IQSEC1: variants seen among roughly 807,000 people sequenced by gnomAD.
IQSEC1 encodes IQ motif and Sec7 domain ArfGEF 1.
A neutral mutation model predicts 91.0 loss-of-function variants in IQSEC1; 31 were observed. The ratio of observed to expected loss-of-function variants is 0.34; its 90% CI spans 0.26 to 0.46. The LOEUF is 0.46. Among genes scored for constraint, IQSEC1 ranks in the 20% least tolerant of loss-of-function variants. The pLI is 1.00. For synonymous variants in IQSEC1, 699 were observed against 662.6 expected, an observed-to-expected ratio of 1.05 and a Z score of -0.84; for missense variants, 1,388 against 1,575.6, an observed-to-expected ratio of 0.88 and a Z score of 2.02.
chr3:12,969,122 C>A (rs986121753), intron 1 of IQSEC1, among the ~76,000 whole-genome samples: 8 of 152,260 alleles, frequency 5.3e-5, no homozygotes, highest in South Asian at 2.1e-4. Context: ...GTTTTCTTTG[C>A]TCTGTTAAAA....
intron 1 of IQSEC1, among the ~76,000 whole-genome samples, chr3:13,059,912 G>C (rs1407720115): frequency 1.3e-5 from 2 of 152,252 alleles, no homozygotes; most frequent in African/African-American, 4.8e-5. Flanking sequence ...GCCACAGTCT[G>C]ATGAGAGGAT....
chr3:13,224,388 C>T (rs1331166129), intron 1 of IQSEC1, among the ~76,000 whole-genome samples: 2 of 152,062 alleles, frequency 1.3e-5, no homozygotes, highest in Admixed American at 6.5e-5. Flanking sequence ...ATGTGGGCAT[C>T]ACTGGTCTCC....
At chr3:13,087,193 T>C (rs1384142695) in intron 2 of IQSEC1, among the ~76,000 whole-genome samples, 1 of 152,252 alleles carries the variant, frequency 6.6e-6, no homozygotes, top group East Asian at 1.9e-4. Context: ...TCCACACTAA[T>C]AATAGGTCTT....
intron 2 of IQSEC1, among the ~76,000 whole-genome samples, chr3:13,088,061 CCTGT>C (rs1324577655): frequency 6.6e-6 from 1 of 152,200 alleles, no homozygotes; most frequent in African/African-American, 2.4e-5. Context: ...GTCCCCCCAC[CCTGT>C]CTAACACAGC....
chr3:13,082,352 G>T (rs1705659061), intron 2 of IQSEC1, among the ~76,000 whole-genome samples: 1 of 152,232 alleles, frequency 6.6e-6, no homozygotes, highest in African/African-American at 2.4e-5. Flanking sequence ...CCGACAAAGG[G>T]CAGTTAAGCT....
At chr3:13,224,588 C>T (rs1189451347) in intron 1 of IQSEC1, among the ~76,000 whole-genome samples, 1 of 152,132 alleles carries the variant, frequency 6.6e-6, no homozygotes, top group Non-Finnish European at 1.5e-5. Flanking sequence ...CAGTGCTCAC[C>T]AGGGCATGTC....
intron 1 of IQSEC1, among the ~76,000 whole-genome samples, chr3:12,951,830 GGTGGAC>G (rs563109611): frequency 1.5e-4 from 23 of 152,306 alleles, no homozygotes; most frequent in Non-Finnish European, 2.9e-4. Flanking sequence ...ACCTAGGGAG[GGTGGAC>G]AGAAAGGGAA....
At chr3:13,246,097 A>ATAG (rs990247596) in intron 1 of IQSEC1, among the ~76,000 whole-genome samples, 1 of 152,240 alleles carries the variant, frequency 6.6e-6, no homozygotes, top group African/African-American at 2.4e-5. Flanking sequence ...TATTAACTAA[A>ATAG]TAGTAGTGCA....
chr3:12,957,703 G>A lies in IQSEC1; in HGVS notation c.24-15838C>T, dbSNP rs1576041131. On this transcript the variant is annotated intron_variant, in intron 1 of 13. Coordinates refer to ENST00000613206, the MANE Select transcript of IQSEC1 (RefSeq NM_001134382.3). The stretch of plus-strand genomic sequence containing the variant: ...TGGCCCGCCCTGCCAGCCAGGGCCT[G>A]TGGTGGGGCCATCTTGGCCCAGACA... Among the ~76,000 whole-genome samples the A allele has an allele frequency of 2.0e-5, 3 of 152,354 alleles. No homozygotes were observed. In the East Asian group the frequency reaches 5.8e-4, roughly 29 times the overall value.
At chr3:13,083,639 G>T (rs898667847) in intron 2 of IQSEC1, among the ~76,000 whole-genome samples, 1 of 152,258 alleles carries the variant, frequency 6.6e-6, no homozygotes, top group Non-Finnish European at 1.5e-5. Context: ...GCCTGTGGCC[G>T]CAGGGTCTCT....
rs557492321 is a variant in IQSEC1 at position 13,058,130 on chromosome 3, G to A, written c.23+14862C>T. On this transcript the variant is annotated intron_variant, in intron 1 of 13. Coordinates refer to ENST00000613206, the MANE Select transcript of IQSEC1 (RefSeq NM_001134382.3). ...TCAACTAAAAATACAAAAAACAGCC[G>A]GGCGTGGTGGCAGGTGCCTGTAATC... 7.9e-5 allele frequency among the ~76,000 whole-genome samples: 12 copies of A among 152,240 alleles called. No individual in the cohort carries two copies. In the East Asian group the frequency reaches 1.5e-3, roughly 20 times the overall value.
intron 1 of IQSEC1, among the ~76,000 whole-genome samples, chr3:13,061,079 A>T (rs1418631998): frequency 1.3e-5 from 2 of 152,066 alleles, no homozygotes; most frequent in African/African-American, 4.8e-5. Context: ...CAGCCACAGA[A>T]TCCCAGGCCA....
intron 1 of IQSEC1, among the ~76,000 whole-genome samples, chr3:13,071,931 A>T (rs1705446408): frequency 6.6e-6 from 1 of 152,084 alleles, no homozygotes. Flanking sequence ...GCAGAGGCAG[A>T]GGTGTGTTTA....
intron 6 of IQSEC1, among the ~76,000 whole-genome samples, chr3:12,916,408 T>G (rs569981332): frequency 1.3e-5 from 2 of 152,296 alleles, no homozygotes; most frequent in Admixed American, 6.5e-5. Flanking sequence ...ACACACTGCT[T>G]CTTTCTTCCT....
Position 12,899,939 on chromosome 3 carries a change from G to C in IQSEC1, c.*1044C>G, listed in dbSNP as rs193082904. Reference sequence around the variant, plus strand: ...GCCCCTCTCGGAGGACTCTGAATGAGTGTGCGTCAAATCATATGCGCATAA... The same window carrying C: ...GCCCCTCTCGGAGGACTCTGAATGACTGTGCGTCAAATCATATGCGCATAA... On this transcript the variant is annotated 3_prime_UTR_variant, in exon 14 of 14. Coordinates refer to ENST00000613206, the MANE Select transcript of IQSEC1 (RefSeq NM_001134382.3). 1,368 of 985,272 alleles carry C rather than the reference G, an allele frequency of 1.4e-3. 18 individuals are homozygous for C. The African/African-American group carries it at 0.023, about 16-fold the overall frequency. The allele number at this position is 985,272 out of a possible 1,614,324, so 61.0% of individuals were successfully genotyped here. A position where few individuals can be genotyped will look rare whatever the true frequency, so the allele number is the denominator to read the frequency against.
At chr3:13,185,582 G>A (rs928245942) in intron 1 of IQSEC1, among the ~76,000 whole-genome samples, 1 of 152,166 alleles carries the variant, frequency 6.6e-6, no homozygotes, top group Admixed American at 6.5e-5. Flanking sequence ...ACAAACACAG[G>A]CATCATTAAC....
intron 1 of IQSEC1, among the ~76,000 whole-genome samples, chr3:13,038,610 C>T (rs1436649945): frequency 6.6e-6 from 1 of 151,828 alleles, no homozygotes; most frequent in African/African-American, 2.4e-5. Flanking sequence ...GTGACTATAG[C>T]CAATAATAAC....
At chr3:13,165,537 C>CGTGTGTGTGTGTGTGT (rs57239903) in intron 1 of IQSEC1, among the ~76,000 whole-genome samples, 1 of 66,690 alleles carries the variant, frequency 1.5e-5, no homozygotes, top group Admixed American at 1.8e-4. Context: ...GGGGGGGTGG[C>CGTGTGTGTGTGTGTGT]GTGTGTGTGT....
chr3:13,047,786 C>T (rs946644143), intron 1 of IQSEC1, among the ~76,000 whole-genome samples: 2 of 152,146 alleles, frequency 1.3e-5, no homozygotes, highest in African/African-American at 4.8e-5. Flanking sequence ...GAAACTGAGG[C>T]TCAAGGAGAG....
Sources: gnomAD v4.1 joint callset for allele counts (sites outside exome capture counted in the v4.1 genomes callset) on GRCh38, gnomAD v4.1.1 for gene constraint, MANE v1.5 for transcripts, NCBI Gene and HGNC (gene_info 2026-07-23, HGNC 2026-07-21) for gene names.